Variants in GFOD1 observed in about 807,000 individuals in gnomAD.
The protein encoded by GFOD1 is Gfo/Idh/MocA-like oxidoreductase domain containing 1.
Under a neutral mutation model 25.4 loss-of-function variants are expected in GFOD1, and 9 were observed. That is an observed-to-expected ratio of 0.35 (90% confidence interval 0.21 to 0.62). The LOEUF (loss-of-function observed/expected upper bound fraction) is 0.62, where lower values mean the gene tolerates loss of function less well. GFOD1 is among the 20% of genes least tolerant of loss of function. GFOD1 has a pLI of 0.72. For synonymous variants in GFOD1, 253 were observed against 245.6 expected (o/e 1.03, Z -0.28); for missense variants, 403 against 556.9 (o/e 0.72, Z 2.78).
Position 13,410,005 on chromosome 6 carries a change from G to GTTTT in GFOD1, c.254-44347_254-44344dup, listed in dbSNP as rs56252038. 3.9e-4 allele frequency among the ~76,000 whole-genome samples: 47 copies of GTTTT among 121,588 alleles called. 1 individual carries two copies. Among genetic ancestry groups the GTTTT allele is most frequent in the South Asian group, 7.8e-4 (3 of 3,850 alleles). The allele number at this position is 121,588 out of a possible 152,430, so 79.8% of individuals were successfully genotyped here. On this transcript the variant is annotated intron_variant, in intron 1 of 1. Transcript: ENST00000379287. ...ATTTCTAAAATGATACGGATTTTTA[G>GTTTT]TTTTTTTTTTTTTTTTTTTTAGATT...
intron 1 of GFOD1, among the ~76,000 whole-genome samples, chr6:13,405,175 TA>T (rs772282179): frequency 7.9e-5 from 12 of 152,220 alleles, no homozygotes; most frequent in Non-Finnish European, 1.8e-4. Flanking sequence ...AGAAGGTTTT[TA>T]AAAGTTCATT....
At chr6:13,435,838 C>T (rs1041235832) in intron 1 of GFOD1, among the ~76,000 whole-genome samples, 8 of 152,160 alleles carry the variant, frequency 5.3e-5, no homozygotes, top group African/African-American at 9.7e-5. Context: ...GTTTTTAAAA[C>T]CCTAATATTA....
chr6:13,467,535 G>A (rs1024176404), intron 1 of GFOD1, among the ~76,000 whole-genome samples: 1 of 152,146 alleles, frequency 6.6e-6, no homozygotes, highest in African/African-American at 2.4e-5. Context: ...ACCAACACAG[G>A]TTTGACTGAA....
At chr6:13,461,177 C>T (rs1262252430) in intron 1 of GFOD1, among the ~76,000 whole-genome samples, 1 of 152,202 alleles carries the variant, frequency 6.6e-6, no homozygotes, top group Non-Finnish European at 1.5e-5. Flanking sequence ...CCTAGAAGCC[C>T]AGAATCCACC....
intron 1 of GFOD1, among the ~76,000 whole-genome samples, chr6:13,462,821 AACCTATGCAC>A (rs1294818270): frequency 4.6e-5 from 7 of 152,244 alleles, no homozygotes; most frequent in Admixed American, 1.3e-4. Context: ...CCCGATGGTT[AACCTATGCAC>A]CAAACTGCCA....
chr6:13,482,771 A>ATTTTTATAATCT (rs1172743285), intron 1 of GFOD1, among the ~76,000 whole-genome samples: 1 of 152,154 alleles, frequency 6.6e-6, no homozygotes, highest in African/African-American at 2.4e-5. Flanking sequence ...AAATTAGATT[A>ATTTTTATAATCT]AATTAAATTA....
intron 1 of GFOD1, among the ~76,000 whole-genome samples, chr6:13,375,710 A>C (rs2127557263): frequency 6.6e-6 from 1 of 152,004 alleles, no homozygotes; most frequent in East Asian, 1.9e-4. Context: ...TATCCCACCA[A>C]CCCCTTTGTG....
chr6:13,480,262 G>A (rs1758718275), intron 1 of GFOD1, among the ~76,000 whole-genome samples: 1 of 152,186 alleles, frequency 6.6e-6, no homozygotes, highest in African/African-American at 2.4e-5. Flanking sequence ...GCACTCCCAT[G>A]GAGAAACTTC....
At chr6:13,391,791 A>G (rs1318849001) in intron 1 of GFOD1, among the ~76,000 whole-genome samples, 1 of 152,162 alleles carries the variant, frequency 6.6e-6, no homozygotes, top group Non-Finnish European at 1.5e-5. Context: ...AAGGGTATCG[A>G]CTTCATTGGA....
chr6:13,376,799 A>T (rs1236073010), intron 1 of GFOD1, among the ~76,000 whole-genome samples: 1 of 152,160 alleles, frequency 6.6e-6, no homozygotes, highest in East Asian at 1.9e-4. Context: ...ACCTCCTATC[A>T]TCTCCCAAAG....
In GFOD1 at chr6:13,365,675, G is replaced by A. The variant is rs1298832851; in HGVS notation, c.254-13C>T. ...TTCTTGCCGATGCCTGCGGGTGGGA[G>A]GAAGACAGCGGTCAGCGGGGCAGGA... On this transcript the variant is annotated splice_polypyrimidine_tract_variant and intron_variant, in intron 1 of 1. Coordinates refer to ENST00000379287, the MANE Select transcript of GFOD1 (RefSeq NM_018988.4). This position sits in a 1 kb window ranked among gnomAD's most constrained non-coding sequence, Gnocchi z 9.2. The A allele has an allele frequency of 1.9e-6, 3 of 1,577,118 alleles. No homozygotes were observed. The highest frequency in any genetic ancestry group is 4.5e-5 in the East Asian group (2 of 44,586).
chr6:13,433,372 G>T (rs987136161), intron 1 of GFOD1, among the ~76,000 whole-genome samples: 5 of 152,146 alleles, frequency 3.3e-5, no homozygotes, highest in Non-Finnish European at 7.4e-5. Flanking sequence ...ACCTGCCTTG[G>T]CCTCCCAAAG....
At chr6:13,445,794 A>G (rs1373204148) in intron 1 of GFOD1, among the ~76,000 whole-genome samples, 1 of 152,246 alleles carries the variant, frequency 6.6e-6, no homozygotes, top group African/African-American at 2.4e-5. Flanking sequence ...CAAGAGATCA[A>G]TAGCTTCTGG....
chr6:13,419,597 T>C (rs1786219506), intron 1 of GFOD1, among the ~76,000 whole-genome samples: 2 of 152,194 alleles, frequency 1.3e-5, no homozygotes, highest in African/African-American at 4.8e-5. Flanking sequence ...ATACATTTGA[T>C]GTAGAACCCC....
intron 1 of GFOD1, among the ~76,000 whole-genome samples, chr6:13,476,473 G>A (rs1758626415): frequency 6.6e-6 from 1 of 152,190 alleles, no homozygotes; most frequent in African/African-American, 2.4e-5. Flanking sequence ...TTGGCATGAG[G>A]AAATGTTTTA....
intron 1 of GFOD1, among the ~76,000 whole-genome samples, chr6:13,428,516 ATGCG>A: frequency 2.2e-5 from 2 of 92,130 alleles, no homozygotes; most frequent in Non-Finnish European, 3.8e-5. Flanking sequence ...GTGCGATGCG[ATGCG>A]CTGGCTTTTC....
intron 1 of GFOD1, among the ~76,000 whole-genome samples, chr6:13,446,888 T>A (rs528656714): frequency 6.6e-6 from 1 of 152,336 alleles, no homozygotes; most frequent in South Asian, 2.1e-4. Context: ...TCTCTGCCCA[T>A]CTTCTAGGTG....
chr6:13,447,769 A>AAAAAAAAAG (rs1758029080), intron 1 of GFOD1, among the ~76,000 whole-genome samples: 2 of 147,078 alleles, frequency 1.4e-5, no homozygotes, highest in African/African-American at 5.2e-5. Context: ...AAAAAAAAAA[A>AAAAAAAAAG]AAGAGTTTTC....
chr6:13,406,400 T>C (rs1248522426), intron 1 of GFOD1, among the ~76,000 whole-genome samples: 1 of 152,138 alleles, frequency 6.6e-6, no homozygotes, highest in African/African-American at 2.4e-5. Flanking sequence ...GAAGGACAGC[T>C]TGTGCAAAGC....
Sources: allele counts gnomAD v4.1 joint callset (sites outside exome capture counted in the v4.1 genomes callset), GRCh38; gene constraint gnomAD v4.1.1; non-coding constraint Gnocchi (gnomAD v3.1); transcripts MANE v1.5; gene names NCBI Gene and HGNC (gene_info 2026-07-23, HGNC 2026-07-21).